Variants in GGTLC2 observed in about 807,000 individuals in gnomAD.
GGTLC2 encodes the protein gamma-glutamyltransferase light chain 2, also known as glutathione hydrolase light chain 2.
Under a neutral mutation model 20.2 loss-of-function variants are expected in GGTLC2, and 13 were observed. The observed-to-expected ratio is 0.64, with a 90% CI of 0.42 to 1.02. The LOEUF (loss-of-function observed/expected upper bound fraction) is 1.02. GGTLC2 is among the 50% of genes least tolerant of loss of function. The probability of loss-of-function intolerance (pLI) is 0.00; values close to 1 mark genes in which losing one functional copy is unlikely to be tolerated. For missense variants in GGTLC2, 202 were observed against 301.3 expected (o/e 0.67, Z 2.44); for synonymous variants, 89 against 125.5 (o/e 0.71, Z 1.94).
rs551086700 is a variant in GGTLC2 at position 22,645,648 on chromosome 22, C to A, written c.-34-664C>A. ...CAGAGGGACCCTGTGAAAACACTCC[C>A]CAGCCTGCTCATTCTTCTGCCCTAA... On this transcript the variant is annotated intron_variant, in intron 1 of 5. Coordinates refer to ENST00000448514, the MANE Select transcript of GGTLC2 (RefSeq NM_199127.3). 2.2e-3 allele frequency among the ~76,000 whole-genome samples: 328 copies of A among 150,676 alleles called. 3 individuals are homozygous for A. The highest frequency in any genetic ancestry group is 3.6e-3 in the Non-Finnish European group (245 of 67,630).
Position 22,647,299 on chromosome 22 carries a change from G to A in GGTLC2, c.510+9G>A, listed in dbSNP as rs1167542887. The stretch of plus-strand genomic sequence containing the variant: ...AGAGAAACATTGACCAGGTGGGCCG[G>A]GGGTTGGAGAAACTGAGTCACGGTG... On this transcript the variant is annotated intron_variant, in intron 5 of 5. Coordinates refer to ENST00000448514, the MANE Select transcript of GGTLC2 (RefSeq NM_199127.3). The A allele has an allele frequency of 9.9e-6, 16 of 1,608,576 alleles. No individual in the cohort carries two copies. Among genetic ancestry groups the A allele is most frequent in the Non-Finnish European group, 1.4e-5 (16 of 1,178,276 alleles).
chr22:22,647,432 G>T, intron 5 of GGTLC2, 142 bp downstream of exon 5: 3 of 1,226,882 alleles, frequency 2.4e-6, no homozygotes, highest in Non-Finnish European at 3.5e-6. Flanking sequence ...GTGCCATGAG[G>T]GCCAAGCCCC....
chr22:22,646,891 G>C lies in GGTLC2; in HGVS notation c.304+10G>C, dbSNP rs756404129. The C allele has an allele frequency of 1.3e-5, 21 of 1,613,120 alleles. No homozygotes were observed. The highest frequency in any genetic ancestry group is 3.3e-5 in the Admixed American group (2 of 59,934). On this transcript the variant is annotated intron_variant, in intron 3 of 5. Transcript: ENST00000448514. ...AATTTCATCCAGCCAGGTATGGGGT[G>C]GAGGTCTGGGGATGGGGGACTGGGG...
chr22:22,646,280 C>T lies in GGTLC2; in HGVS notation c.-34-32C>T. ...GTCAGGGGCCTTCTGAGACCTGTGT[C>T]CCCTCCCCACCCTCCCTCCCCACCT... On this transcript the variant is annotated intron_variant, in intron 1 of 5. Coordinates refer to ENST00000448514, the MANE Select transcript of GGTLC2 (RefSeq NM_199127.3). 3 of 779,122 alleles carry T rather than the reference C, an allele frequency of 3.9e-6. No homozygotes were observed. The South Asian group carries it at 4.6e-5, about 12-fold the overall frequency. 48.3% of individuals were successfully genotyped at this position (779,122 alleles called of 1,614,324 possible).
At position 22,645,306 on chromosome 22, in the gene GGTLC2, G is replaced by A. The variant is rs879289762; in HGVS notation, c.-35+598G>A. Among the ~76,000 whole-genome samples the A allele has an allele frequency of 3.7e-3, 564 of 151,180 alleles. 1 individual carries two copies. Among genetic ancestry groups the A allele is most frequent in the Middle Eastern group, 0.01 (3 of 288 alleles). ...ATCTCCTCCTCGCCACTGCCTTGGG[G>A]ACCTTGGCCAGGCTCATGGCATCCA... On this transcript the variant is annotated intron_variant, in intron 1 of 5. Coordinates refer to ENST00000448514, the MANE Select transcript of GGTLC2 (RefSeq NM_199127.3).
In GGTLC2 at chr22:22,645,016, T is replaced by G. The variant is rs369175531; in HGVS notation, c.-35+308T>G. ...CACGCCATTCTCCTGCCTCAGCCTC[T>G]GGAGTAGTTGGGACTACAGGCGCCC... On this transcript the variant is annotated intron_variant, in intron 1 of 5. Coordinates refer to ENST00000448514, the MANE Select transcript of GGTLC2 (RefSeq NM_199127.3). Among the ~76,000 whole-genome samples, 152 of 136,482 alleles carry G rather than the reference T, an allele frequency of 1.1e-3. 1 individual carries two copies. Among genetic ancestry groups the G allele is most frequent in the East Asian group, 3.2e-3 (12 of 3,758 alleles). 89.5% of individuals were successfully genotyped at this position (136,482 alleles called of 152,430 possible).
chr22:22,646,103 G>A (rs2064070260), intron 1 of GGTLC2: 1 of 1,373,762 alleles, frequency 7.3e-7, no homozygotes, highest in Admixed American at 2.9e-5. Flanking sequence ...CAAGGGTCTG[G>A]AGGCTGAGGA....
rs60095922 is a variant in GGTLC2, at chr22:22,646,713, C to T, written c.177-41C>T. ...GTGGGTGGATAGGGACCAGGCTGGG[C>T]CAGGCAAGGTCAGGTGCTGTCTGAC... On this transcript the variant is annotated intron_variant, in intron 2 of 5. Transcript: ENST00000448514. The T allele has an allele frequency of 0.019, 29,984 of 1,602,114 alleles. 1,583 individuals are homozygous for T. The African/African-American group carries it at 0.19, about 10-fold the overall frequency.
intron 1 of GGTLC2, among the ~76,000 whole-genome samples, 174 bp downstream of exon 1, chr22:22,644,882 CTTTTTTTTTTTT>C (rs1180593782): frequency 6.1e-5 from 2 of 32,540 alleles, no homozygotes; most frequent in South Asian, 3.1e-3. Context: ...CAGACTCTCT[CTTTTTTTTTTTT>C]TTTTTTTTTT....
intron 2 of GGTLC2, 46 bp from the exon 3 acceptor site, chr22:22,646,708 C>A (rs1419722138): frequency 6.3e-7 from 1 of 1,599,498 alleles, no homozygotes; most frequent in East Asian, 2.2e-5. Context: ...AGGGACCAGG[C>A]TGGGCCAGGC....
chr22:22,647,055 G>A lies in GGTLC2; in HGVS notation c.360+17G>A, dbSNP rs1367653808. ...GACGGCCAGGTCCGGATGGTGGTGGGAGCTGCTGGGGGCACACAGATCACC... is the reference window on the plus strand; with the variant it reads ...GACGGCCAGGTCCGGATGGTGGTGGAAGCTGCTGGGGGCACACAGATCACC... On this transcript the variant is annotated intron_variant, in intron 4 of 5. Transcript: ENST00000448514. The A allele has an allele frequency of 4.3e-6, 7 of 1,611,542 alleles. No homozygotes were observed. In the Admixed American group the frequency reaches 6.7e-5, roughly 15 times the overall value.
intron 1 of GGTLC2, among the ~76,000 whole-genome samples, chr22:22,645,773 T>C (rs1462172502): frequency 6.6e-6 from 1 of 151,268 alleles, no homozygotes; most frequent in Non-Finnish European, 1.5e-5. Context: ...CCCACCCCAC[T>C]CCATTCACTC....
In GGTLC2 at chr22:22,646,850, G is replaced by A. The variant is rs2877059; in HGVS notation, c.273G>A (p.Val91=). ...SSPNITNEFG[V]PPSPANFIQP... ...CCAACATCACCAACGAGTTTGGGGT[G>A]CCCCCCTCACCTGCCAATTTCATCC... The change falls in exon 3 of 6, where the codon GTG becomes GTA. Residue 91 remains valine, a synonymous_variant. Coordinates refer to ENST00000448514, the MANE Select transcript of GGTLC2 (RefSeq NM_199127.3). 1.0e-4 allele frequency: 162 copies of A among 1,606,438 alleles called. No individual in the cohort carries two copies. The highest frequency in any genetic ancestry group is 6.3e-4 in the East Asian group (28 of 44,294).
intron 1 of GGTLC2, among the ~76,000 whole-genome samples, 174 bp downstream of exon 1, chr22:22,644,882 CTTTTTTTTTTT>C (rs1180593782): frequency 3.1e-5 from 1 of 32,542 alleles, no homozygotes; most frequent in African/African-American, 2.4e-4. Flanking sequence ...CAGACTCTCT[CTTTTTTTTTTT>C]TTTTTTTTTT....
chr22:22,645,407 A>AT lies in GGTLC2; in HGVS notation c.-35+707dup, dbSNP rs761744370. On this transcript the variant is annotated intron_variant, in intron 1 of 5. Transcript: ENST00000448514. Reference sequence around the variant, plus strand: ...CCCGTGAACCCATGCTTATTTATTTATTTTTTTTATACGTGCACCCATGCT... The same window carrying AT: ...CCCGTGAACCCATGCTTATTTATTTATTTTTTTTTATACGTGCACCCATGCT... Among the ~76,000 whole-genome samples the AT allele has an allele frequency of 6.1e-3, 858 of 141,558 alleles. 9 individuals are homozygous for AT. The highest frequency in any genetic ancestry group is 0.012 in the Middle Eastern group (3 of 258). The allele number at this position is 141,558 out of a possible 152,430, so 92.9% of individuals were successfully genotyped here. A position where few individuals can be genotyped will look rare whatever the true frequency, so the allele number is the denominator to read the frequency against.
Position 22,646,507 on chromosome 22 carries a change from C to T in GGTLC2, c.162C>T (p.Ser54=), listed in dbSNP as rs768750460. Residue 54 remains serine, a synonymous_variant, in exon 2 of 6, where the codon AGC becomes AGT. Coordinates refer to ENST00000448514, the MANE Select transcript of GGTLC2 (RefSeq NM_199127.3). ...ACGGCAGTGCTGTGTCCGCCACCAG[C>T]ACCATCAACCTCTAGTAGGGGCTGC... ...AEDGSAVSAT[S]TINLYFGSKV... 23 of 1,567,730 alleles carry T rather than the reference C, an allele frequency of 1.5e-5. No individual in the cohort carries two copies. In the South Asian group the frequency reaches 2.6e-4, roughly 18 times the overall value.
chr22:22,646,755 T>G lies in GGTLC2; in HGVS notation c.178T>G (p.Phe60Val), dbSNP rs750257804. The change falls in exon 3 of 6, where the codon TTT becomes GTT. Residue 60 changes from phenylalanine to valine, a missense_variant and splice_region_variant. Physicochemically the swap from Phe to Val is conservative, Grantham distance 50. Around this residue, in one of 4 missense-constraint regions of GGTLC2, gnomAD observed 71 missense variants for 63.0 expected, o/e 1.13. Coordinates refer to ENST00000448514, the MANE Select transcript of GGTLC2 (RefSeq NM_199127.3). Reference protein sequence around the residue: ...VSATSTINLYFGSKVRSPVSE... With the variant: ...VSATSTINLYVGSKVRSPVSE... ...CTGTCTGACCTGGCTGGGCGGTAGC[T>G]TTGGCTCCAAGGTCCGCTCCCCGGT... The G allele has an allele frequency of 1.4e-5, 22 of 1,609,754 alleles. No individual in the cohort carries two copies. The highest frequency in any genetic ancestry group is 8.5e-7 in the Non-Finnish European group (1 of 1,178,220).
chr22:22,647,438 G>A (rs1601959597), intron 5 of GGTLC2, 148 bp downstream of exon 5: 12 of 1,055,572 alleles, frequency 1.1e-5, no homozygotes, highest in East Asian at 2.6e-5. Flanking sequence ...TGAGGGCCAA[G>A]CCCCCTGCTC....
chr22:22,647,625 C>T lies in GGTLC2; in HGVS notation c.541C>T (p.His181Tyr). Residue 181 changes from histidine to tyrosine, a missense_variant, in exon 6 of 6, where the codon CAT becomes TAT. By Grantham distance (83) the His-to-Tyr change is moderately conservative. Around this residue, in one of 4 missense-constraint regions of GGTLC2, gnomAD observed 22 missense variants for 69.6 expected, o/e 0.32. Coordinates refer to ENST00000448514, the MANE Select transcript of GGTLC2 (RefSeq NM_199127.3). ...GACTGCAGCCCTGGAGACCCGGCAC[C>T]ATCACACCCAGATCGCGTCCACCTT... ...AVTAALETRH[H>Y]HTQIASTFIA... The T allele has an allele frequency of 1.3e-6, 2 of 1,582,830 alleles. No homozygotes were observed. The highest frequency in any genetic ancestry group is 1.7e-6 in the Non-Finnish European group (2 of 1,155,770).
Sources: allele counts gnomAD v4.1 joint callset (sites outside exome capture counted in the v4.1 genomes callset), GRCh38; gene constraint gnomAD v4.1.1; regional missense constraint gnomAD v4.1.1; transcripts MANE v1.5; gene names NCBI Gene and HGNC (gene_info 2026-07-23, HGNC 2026-07-21).